HIVEP1: variants seen among roughly 807,000 people sequenced by gnomAD.
HIVEP1 encodes the protein HIVEP zinc finger 1, also known as zinc finger protein 40.
Under a neutral mutation model 180.0 loss-of-function variants are expected in HIVEP1, and 36 were observed. The observed-to-expected ratio is 0.20, with a 90% CI of 0.15 to 0.26. HIVEP1 has a LOEUF of 0.26. Ranked by LOEUF, HIVEP1 falls within the 10% of genes least tolerant of loss-of-function variation. HIVEP1 has a pLI of 1.00. For missense variants in HIVEP1, 3,143 were observed against 3,268.7 expected (o/e 0.96, Z 0.94); for synonymous variants, 1,239 against 1,239.0 (o/e 1.00, Z 0.00).
chr6:12,092,896 C>T (rs1206002558), intron 3 of HIVEP1, among the ~76,000 whole-genome samples: 1 of 152,176 alleles, frequency 6.6e-6, no homozygotes, highest in Non-Finnish European at 1.5e-5. Flanking sequence ...CAAGCTCGTA[C>T]AGGCTGAACT....
At chr6:12,153,571 CA>C (rs3070558) in intron 7 of HIVEP1, among the ~76,000 whole-genome samples, 1,618 of 94,570 alleles carry the variant, frequency 0.017, 24 homozygotes, top group African/African-American at 0.056. Flanking sequence ...GTAAGAAATG[CA>C]AAAAAAAAAA....
chr6:12,074,618 AAGT>A lies in HIVEP1; in HGVS notation c.41-14565_41-14563del, dbSNP rs1340698632. On this transcript the variant is annotated intron_variant, in intron 2 of 8. Transcript: ENST00000379388. ...CGCTGCAGTCCTTAATTGTATGAAA[AAGT>A]GTGTGTGTGTGTGTGTGTGTGTGCG... Among the ~76,000 whole-genome samples, 544 of 61,512 alleles carry A rather than the reference AAGT, an allele frequency of 8.8e-3. 5 individuals carry two copies. The highest frequency in any genetic ancestry group is 0.031 in the African/African-American group (506 of 16,216). 40.4% of individuals were successfully genotyped at this position (61,512 alleles called of 152,430 possible).
the HIVEP1 span, among the ~76,000 whole-genome samples, chr6:12,172,737 CT>C: frequency 1.3e-5 from 2 of 151,116 alleles, no homozygotes; most frequent in East Asian, 1.9e-4. Flanking sequence ...GAGATAATTG[CT>C]CAGGGTTGCA....
At chr6:12,035,445 T>G (rs1353880262) in intron 2 of HIVEP1, among the ~76,000 whole-genome samples, 5 of 152,198 alleles carry the variant, frequency 3.3e-5, no homozygotes, top group African/African-American at 9.7e-5. Context: ...CAGGACCCAT[T>G]GATAGGTGGG....
chr6:12,105,994 A>G (rs1168046152), intron 3 of HIVEP1, among the ~76,000 whole-genome samples: 1 of 151,338 alleles, frequency 6.6e-6, no homozygotes, highest in African/African-American at 2.4e-5. Flanking sequence ...ACATATATAC[A>G]TATATATATA....
the HIVEP1 span, among the ~76,000 whole-genome samples, chr6:12,205,437 C>G: frequency 1.3e-5 from 2 of 151,652 alleles, no homozygotes; most frequent in Admixed American, 1.3e-4. Context: ...CGCCACTGCA[C>G]TCCAGCCTGG....
At chr6:12,070,661 A>G (rs1771909380) in intron 2 of HIVEP1, among the ~76,000 whole-genome samples, 1 of 152,148 alleles carries the variant, frequency 6.6e-6, no homozygotes, top group African/African-American at 2.4e-5. Flanking sequence ...AAAATTTAGG[A>G]TTCTCATACT....
chr6:12,145,537 C>T (rs902163936), intron 7 of HIVEP1, among the ~76,000 whole-genome samples: 9 of 148,328 alleles, frequency 6.1e-5, no homozygotes, highest in South Asian at 2.1e-4. Flanking sequence ...AAAAAAAGAA[C>T]GCCCTCTACC....
chr6:12,115,789 C>T (rs916433929), intron 3 of HIVEP1, among the ~76,000 whole-genome samples: 5 of 151,890 alleles, frequency 3.3e-5, no homozygotes, highest in Admixed American at 3.3e-4. Context: ...AAAATGACAA[C>T]ATTTCTGGAA....
chr6:12,083,112 C>T (rs1290706521), intron 2 of HIVEP1, among the ~76,000 whole-genome samples: 1 of 152,068 alleles, frequency 6.6e-6, no homozygotes, highest in African/African-American at 2.4e-5. Flanking sequence ...CCCAGTTGGC[C>T]TTCTTCATAG....
chr6:12,154,816 T>C (rs1470195422), intron 7 of HIVEP1, among the ~76,000 whole-genome samples: 2 of 152,188 alleles, frequency 1.3e-5, no homozygotes, highest in Admixed American at 1.3e-4. Context: ...ACTTAAAGTA[T>C]AATAAATTTT....
chr6:12,012,209 C>T (rs1348363195), upstream of HIVEP1: 7 of 144,712 alleles, frequency 4.8e-5, no homozygotes, highest in South Asian at 2.0e-4. Flanking sequence ...TTCGCCGCCT[C>T]CTCCGCCCGG....
At chr6:12,060,748 A>T (rs572962075) in intron 2 of HIVEP1, among the ~76,000 whole-genome samples, 1 of 152,322 alleles carries the variant, frequency 6.6e-6, no homozygotes, top group Admixed American at 6.5e-5. Flanking sequence ...GGTCACACAG[A>T]TGGATTTTTA....
chr6:12,086,029 G>T (rs1176737843), intron 2 of HIVEP1, among the ~76,000 whole-genome samples: 1 of 152,120 alleles, frequency 6.6e-6, no homozygotes, highest in East Asian at 1.9e-4. Flanking sequence ...TTAATTTAAG[G>T]TATCACACAA....
At chr6:12,011,231 CCCTT>C (rs908977966), upstream of HIVEP1, among the ~76,000 whole-genome samples, 2 of 151,852 alleles carry the variant, frequency 1.3e-5, no homozygotes, top group African/African-American at 2.4e-5. Context: ...AATGACTTTC[CCCTT>C]CCTTCTACGC....
rs367804404 is a variant in HIVEP1, at chr6:12,099,309, A to G, written c.94+10072A>G. 5.8e-3 allele frequency among the ~76,000 whole-genome samples: 870 copies of G among 151,036 alleles called. 4 individuals carry two copies. The highest frequency in any genetic ancestry group is 0.02 in the African/African-American group (817 of 41,272). ...CAGCCTCCCAAGTAGCTAGGACTACAGGCGCCCGCCACTACGCCCGGCTAT... is the reference window on the plus strand; with the variant it reads ...CAGCCTCCCAAGTAGCTAGGACTACGGGCGCCCGCCACTACGCCCGGCTAT... On this transcript the variant is annotated intron_variant, in intron 3 of 8. Transcript: ENST00000379388.
At chr6:12,046,733 C>G (rs901422469) in intron 2 of HIVEP1, among the ~76,000 whole-genome samples, 12 of 151,612 alleles carry the variant, frequency 7.9e-5, no homozygotes, top group Non-Finnish European at 4.4e-5. Context: ...GAGCTGAGAT[C>G]GTGCCACTGC....
At chr6:12,126,921 C>T (rs977253455) in intron 4 of HIVEP1, among the ~76,000 whole-genome samples, 7 of 151,992 alleles carry the variant, frequency 4.6e-5, no homozygotes, top group Non-Finnish European at 5.9e-5. Flanking sequence ...TGCAATGGTG[C>T]GCTCTTGGCT....
intron 2 of HIVEP1, among the ~76,000 whole-genome samples, chr6:12,078,591 A>T (rs1004996218): frequency 6.8e-6 from 1 of 147,922 alleles, no homozygotes; most frequent in Non-Finnish European, 1.5e-5. Context: ...AGCACCTTGT[A>T]TCTGAGTCCT....
Sources: allele counts gnomAD v4.1 joint callset (sites outside exome capture counted in the v4.1 genomes callset), GRCh38; gene constraint gnomAD v4.1.1; transcripts MANE v1.5; gene names NCBI Gene and HGNC (gene_info 2026-07-23, HGNC 2026-07-21).